Variants in PSME3IP1 observed in about 807,000 individuals in gnomAD.
PSME3IP1 encodes the protein PSME3-interacting protein.
In PSME3IP1, 13 loss-of-function variants were observed where a neutral mutation model predicts 34.1. The ratio of observed to expected loss-of-function variants is 0.38; its 90% CI spans 0.25 to 0.61. PSME3IP1 has a LOEUF of 0.61. PSME3IP1 is among the 20% of genes least tolerant of loss of function. The pLI, the probability that PSME3IP1 is intolerant of heterozygous loss-of-function variation, is 0.60. For missense variants in PSME3IP1, 237 were observed against 301.4 expected, an observed-to-expected ratio of 0.79 and a Z score of 1.58; for synonymous variants, 93 against 114.3, an observed-to-expected ratio of 0.81 and a Z score of 1.19.
At chr16:57,156,110 G>A (rs2070493306) in intron 6 of PSME3IP1, among the ~76,000 whole-genome samples, 1 of 152,108 alleles carries the variant, frequency 6.6e-6, no homozygotes, top group Non-Finnish European at 1.5e-5. Flanking sequence ...AATGTTTCCG[G>A]CCTTATTTAA....
Position 57,175,102 on chromosome 16 carries a change from C to A in PSME3IP1, c.-15-1233G>T, listed in dbSNP as rs562748388. On this transcript the variant is annotated intron_variant, in intron 1 of 6. Coordinates refer to ENST00000309137, the MANE Select transcript of PSME3IP1 (RefSeq NM_024946.4). Reference sequence around the variant, plus strand: ...CAATCTCAGCTCACTGCAACCTCCGCCTCCCAGGTTCAAGCGATTCTCCTG... The same window carrying A: ...CAATCTCAGCTCACTGCAACCTCCGACTCCCAGGTTCAAGCGATTCTCCTG... 4.0e-5 allele frequency among the ~76,000 whole-genome samples: 6 copies of A among 151,882 alleles called. No homozygotes were observed. The South Asian group carries it at 1.3e-3, about 32-fold the overall frequency.
rs1597530553 is a variant in PSME3IP1, at chr16:57,154,091, T to G, written c.*199A>C. ...GCGGGACAGGTTTGGTCATCTGCAG[T>G]GGAGTAGAAAGAGGAACCAAACACG... On this transcript the variant is annotated 3_prime_UTR_variant, in exon 7 of 7. Coordinates refer to ENST00000309137, the MANE Select transcript of PSME3IP1 (RefSeq NM_024946.4). This position sits in a 1 kb window ranked among gnomAD's most constrained non-coding sequence, Gnocchi z 4.0. 1 of 568,424 alleles carries G rather than the reference T, an allele frequency of 1.8e-6. No individual in the cohort carries two copies. The highest frequency in any genetic ancestry group is 3.1e-6 in the Non-Finnish European group (1 of 320,356). The allele number at this position is 568,424 out of a possible 1,614,324, so 35.2% of individuals were successfully genotyped here.
In PSME3IP1 at chr16:57,154,328, A is replaced by T. The variant is rs747167334; in HGVS notation, c.727T>A (p.Ser243Thr). 6.2e-7 allele frequency: 1 copy of T among 1,614,088 alleles called. No homozygotes were observed. Among genetic ancestry groups the T allele is most frequent in the East Asian group, 2.2e-5 (1 of 44,876 alleles). Reference protein sequence around the residue: ...TINATGKIVSSIFRTNTFLEA... With the variant: ...TINATGKIVSTIFRTNTFLEA... ...AGGAAGGTGTTGGTTCGGAAGATGG[A>T]GGAGACAATCTTTCCGGTGGCATTG... Residue 243 changes from serine to threonine, a missense_variant, in exon 7 of 7, where the codon TCC becomes ACC. Coordinates refer to ENST00000309137, the MANE Select transcript of PSME3IP1 (RefSeq NM_024946.4). The surrounding 1 kb of genome is among the most constrained non-coding windows in gnomAD (Gnocchi z 4.0).
chr16:57,183,786 T>A (rs369689862), intron 1 of PSME3IP1, among the ~76,000 whole-genome samples: 5 of 152,318 alleles, frequency 3.3e-5, no homozygotes, highest in East Asian at 3.9e-4. Flanking sequence ...AGTGCCTTTA[T>A]GAGATAACAG....
chr16:57,164,056 A>G lies in PSME3IP1; in HGVS notation c.492T>C (p.Ser164=), dbSNP rs1417802196. 5.6e-6 allele frequency: 9 copies of G among 1,613,792 alleles called. No individual in the cohort carries two copies. Among genetic ancestry groups the G allele is most frequent in the African/African-American group, 1.3e-5 (1 of 74,842 alleles). The part of the protein sequence containing the change: ...AGAVKHKSSE[S]GNSVKRLKPD... ...GTTTCAGTCTTTTCACACTGTTGCC[A>G]CTCTCTGAGCTGTAACAAAACACAT... Residue 164 remains serine (S), a synonymous_variant, in exon 6 of 7, where the codon AGT becomes AGC. Coordinates refer to ENST00000309137, the MANE Select transcript of PSME3IP1 (RefSeq NM_024946.4).
chr16:57,172,490 T>G, intron 3 of PSME3IP1, 118 bp from the exon 4 acceptor site: 1 of 1,124,988 alleles, frequency 8.9e-7, no homozygotes, highest in African/African-American at 1.6e-5. Flanking sequence ...AAAGAACTGG[T>G]AAATACCATG....
In PSME3IP1 at chr16:57,154,584, C is replaced by G; in HGVS notation, c.548-77G>C. Reference sequence around the variant, plus strand: ...GGACTGACTTACCATGTGCCAGGCACTGTACCAAGGGATTTTCCCACAGAG... The same window carrying G: ...GGACTGACTTACCATGTGCCAGGCAGTGTACCAAGGGATTTTCCCACAGAG... On this transcript the variant is annotated intron_variant, in intron 6 of 6. Coordinates refer to ENST00000309137, the MANE Select transcript of PSME3IP1 (RefSeq NM_024946.4). The surrounding 1 kb of genome is among the most constrained non-coding windows in gnomAD (Gnocchi z 4.0). 7.8e-7 allele frequency: 1 copy of G among 1,277,226 alleles called. No individual in the cohort carries two copies. 79.1% of individuals were successfully genotyped at this position (1,277,226 alleles called of 1,614,324 possible). A position where few individuals can be genotyped will look rare whatever the true frequency, so the allele number is the denominator to read the frequency against.
At chr16:57,174,112 G>A (rs544658659) in intron 1 of PSME3IP1, 4 of 362,366 alleles carry the variant, frequency 1.1e-5, no homozygotes, top group African/African-American at 6.3e-5. Flanking sequence ...TGACTGACAT[G>A]GTGAAACCCC....
chr16:57,167,355 G>T, intron 4 of PSME3IP1, 129 bp from the exon 5 acceptor site: 2 of 1,062,682 alleles, frequency 1.9e-6, no homozygotes, highest in Non-Finnish European at 2.8e-6. Flanking sequence ...TCTTTATTCT[G>T]CCAGTCAAAT....
chr16:57,161,703 G>A lies in PSME3IP1; in HGVS notation c.547+2298C>T, dbSNP rs554834059. ...AATTTTTTGTATTTTTAGTAGAGACGGGGTTTCACCGTGTTAGCCAGGATG... is the reference window on the plus strand; with the variant it reads ...AATTTTTTGTATTTTTAGTAGAGACAGGGTTTCACCGTGTTAGCCAGGATG... On this transcript the variant is annotated intron_variant, in intron 6 of 6. Transcript: ENST00000309137. Among the ~76,000 whole-genome samples the A allele has an allele frequency of 7.1e-3, 1,075 of 151,774 alleles. 5 individuals are homozygous for A. Among genetic ancestry groups the A allele is most frequent in the Middle Eastern group, 0.014 (4 of 290 alleles).
intron 1 of PSME3IP1, chr16:57,185,461 C>T (rs2074089503): frequency 1.0e-6 from 1 of 960,234 alleles, no homozygotes; most frequent in African/African-American, 1.8e-5. Flanking sequence ...AACCAGACGC[C>T]GCACATCCGA....
At chr16:57,184,620 T>C (rs1250719917) in intron 1 of PSME3IP1, among the ~76,000 whole-genome samples, 2 of 152,262 alleles carry the variant, frequency 1.3e-5, no homozygotes, top group Non-Finnish European at 2.9e-5. Context: ...TGACTGACCC[T>C]GTACGTACAT....
intron 1 of PSME3IP1, among the ~76,000 whole-genome samples, chr16:57,180,651 A>C (rs1318793506): frequency 6.6e-6 from 1 of 151,962 alleles, no homozygotes; most frequent in Non-Finnish European, 1.5e-5. Flanking sequence ...TCACACCTGC[A>C]ATCTGAGCAC....
chr16:57,173,774 C>G lies in PSME3IP1; in HGVS notation c.81G>C (p.Arg27Ser). The G allele has an allele frequency of 6.2e-7, 1 of 1,614,148 alleles. No homozygotes were observed. Among genetic ancestry groups the G allele is most frequent in the South Asian group, 1.1e-5 (1 of 91,080 alleles). ...GAACTTTCTCCCATTCTTCTTGCCT[C>G]CTTTTGCGCCGTTCATCTAGTTCTG... ...SEAELDERRK[R>S]RQEEWEKVRK... The change falls in exon 2 of 7, where the codon AGG becomes AGC. Residue 27 changes from arginine to serine, a missense_variant. Transcript: ENST00000309137.
chr16:57,171,187 G>T (rs1238386146), intron 4 of PSME3IP1, among the ~76,000 whole-genome samples: 2 of 152,158 alleles, frequency 1.3e-5, no homozygotes, highest in African/African-American at 4.8e-5. Flanking sequence ...TGCAAAATCT[G>T]AGGGCAGAAC....
intron 6 of PSME3IP1, among the ~76,000 whole-genome samples, chr16:57,159,797 G>C (rs559699916): frequency 6.6e-6 from 1 of 152,202 alleles, no homozygotes; most frequent in Non-Finnish European, 1.5e-5. Context: ...CATTTGTATA[G>C]TTCCTACCAG....
At chr16:57,183,980 A>G (rs2073941233) in intron 1 of PSME3IP1, among the ~76,000 whole-genome samples, 1 of 152,242 alleles carries the variant, frequency 6.6e-6, no homozygotes, top group Non-Finnish European at 1.5e-5. Context: ...GTGGAATTAA[A>G]CATAGAGATT....
rs1261931660 is a variant in PSME3IP1, at chr16:57,152,580, T to TAA, written c.*1708_*1709dup. The TAA allele has an allele frequency of 6.6e-6, 1 of 152,650 alleles. No individual in the cohort carries two copies. Among genetic ancestry groups the TAA allele is most frequent in the Non-Finnish European group, 1.5e-5 (1 of 68,052 alleles). 9.5% of individuals were successfully genotyped at this position (152,650 alleles called of 1,614,324 possible). On this transcript the variant is annotated 3_prime_UTR_variant, in exon 7 of 7. Coordinates refer to ENST00000309137, the MANE Select transcript of PSME3IP1 (RefSeq NM_024946.4). ...GCCATGAGATACAGTAATGGCCTCT[T>TAA]AAGAGTCATGCCACATAAAGATGAT...
intron 1 of PSME3IP1, among the ~76,000 whole-genome samples, chr16:57,179,854 C>T (rs6499868): frequency 0.092 from 14,038 of 152,218 alleles, 803 homozygotes; most frequent in East Asian, 0.23. Context: ...TCAAGTCACA[C>T]TGTACTTCAA....
Sources: allele counts gnomAD v4.1 joint callset (sites outside exome capture counted in the v4.1 genomes callset), GRCh38; gene constraint gnomAD v4.1.1; non-coding constraint Gnocchi (gnomAD v3.1); transcripts MANE v1.5; gene names NCBI Gene and HGNC (gene_info 2026-07-23, HGNC 2026-07-21).